The following FIGN variants were observed in gnomAD, a reference collection of about 807,000 sequenced individuals.
FIGN encodes fidgetin, microtubule severing factor.
In FIGN, 11 loss-of-function variants were observed where a neutral mutation model predicts 51.3. That is an observed-to-expected ratio of 0.21 (90% CI 0.13 to 0.35). The LOEUF is 0.35. Ranked by LOEUF, FIGN falls within the 10% of genes least tolerant of loss-of-function variation. FIGN has a pLI of 1.00. For synonymous variants in FIGN, 407 were observed against 363.2 expected, an observed-to-expected ratio of 1.12 and a Z score of -1.37; for missense variants, 857 against 943.6, an observed-to-expected ratio of 0.91 and a Z score of 1.20.
chr2:163,721,781 C>A (rs1329719043), intron 2 of FIGN, among the ~76,000 whole-genome samples: 1 of 152,098 alleles, frequency 6.6e-6, no homozygotes, highest in Non-Finnish European at 1.5e-5. Flanking sequence ...AACGAGTGAG[C>A]TTTCAGTAAA....
intron 2 of FIGN, among the ~76,000 whole-genome samples, chr2:163,683,245 C>T (rs559366779): frequency 6.2e-4 from 95 of 152,166 alleles, no homozygotes; most frequent in Non-Finnish European, 1.1e-3. Flanking sequence ...TAAAGTGTTG[C>T]AATAGGAAAT....
At chr2:163,698,162 AGGGATCT>A (rs1684353375) in intron 2 of FIGN, among the ~76,000 whole-genome samples, 1 of 152,098 alleles carries the variant, frequency 6.6e-6, no homozygotes, top group Non-Finnish European at 1.5e-5. Context: ...GTTCTATAAA[AGGGATCT>A]GTTCATTCCT....
intron 2 of FIGN, among the ~76,000 whole-genome samples, chr2:163,629,750 C>G (rs925746510): frequency 6.6e-6 from 1 of 151,858 alleles, no homozygotes; most frequent in South Asian, 2.1e-4. Flanking sequence ...AAATATTTAC[C>G]GTCTATCCCT....
chr2:163,699,101 G>A (rs1684367883), intron 2 of FIGN, among the ~76,000 whole-genome samples: 1 of 152,042 alleles, frequency 6.6e-6, no homozygotes, highest in Non-Finnish European at 1.5e-5. Context: ...ATAAATGAGG[G>A]AAAGCACACT....
chr2:163,702,426 C>T (rs11902245), intron 2 of FIGN, among the ~76,000 whole-genome samples: 5,136 of 152,098 alleles, frequency 0.034, 259 homozygotes, highest in African/African-American at 0.11. Flanking sequence ...CACCACATAA[C>T]CATTATCAGG....
At chr2:163,663,256 A>T (rs1447236755) in intron 2 of FIGN, among the ~76,000 whole-genome samples, 1 of 151,412 alleles carries the variant, frequency 6.6e-6, no homozygotes, top group African/African-American at 2.4e-5. Context: ...TTTGAAGACT[A>T]AGTATATTGT....
At chr2:163,654,423 G>A (rs891504550) in intron 2 of FIGN, among the ~76,000 whole-genome samples, 1 of 152,074 alleles carries the variant, frequency 6.6e-6, no homozygotes, top group African/African-American at 2.4e-5. Flanking sequence ...TGAAGATGTT[G>A]ACATACTAAT....
At chr2:163,726,041 C>T (rs1684833672) in intron 2 of FIGN, among the ~76,000 whole-genome samples, 1 of 152,002 alleles carries the variant, frequency 6.6e-6, no homozygotes, top group African/African-American at 2.4e-5. Context: ...TTATAGGAAA[C>T]ATATTTTTCC....
rs1259537434 is a variant in FIGN, at chr2:163,608,286, T to A, written c.*1266A>T. 2.6e-5 allele frequency: 4 copies of A among 152,606 alleles called. No homozygotes were observed. Among genetic ancestry groups the A allele is most frequent in the Admixed American group, 2.6e-4 (4 of 15,264 alleles). 9.5% of individuals were successfully genotyped at this position (152,606 alleles called of 1,614,324 possible). A position where few individuals can be genotyped will look rare whatever the true frequency, so the allele number is the denominator to read the frequency against. ...ATATATGTGTATGTAAGTTGGTTTG[T>A]TGGTTGGTTTTTGTTTTTATTTATT... is the stretch of plus-strand genomic sequence containing the variant. On this transcript the variant is annotated 3_prime_UTR_variant, in exon 3 of 3. Transcript: ENST00000333129.
chr2:163,661,194 A>T (rs1683673571), intron 2 of FIGN, among the ~76,000 whole-genome samples: 1 of 150,470 alleles, frequency 6.6e-6, no homozygotes, highest in South Asian at 2.1e-4. Flanking sequence ...AGATTTTTTT[A>T]AAACTATGAT....
intron 2 of FIGN, among the ~76,000 whole-genome samples, chr2:163,734,131 A>G (rs1438808472): frequency 6.6e-6 from 1 of 151,798 alleles, no homozygotes; most frequent in African/African-American, 2.4e-5. Context: ...TTTTTTGTAA[A>G]GAAAGGAAAG....
chr2:163,629,006 C>G (rs1445999341), intron 2 of FIGN, among the ~76,000 whole-genome samples: 1 of 152,070 alleles, frequency 6.6e-6, no homozygotes, highest in Non-Finnish European at 1.5e-5. Context: ...CTTGTACAAG[C>G]AATGGGTTGG....
intron 2 of FIGN, among the ~76,000 whole-genome samples, chr2:163,659,019 C>G (rs1163580384): frequency 6.6e-6 from 1 of 152,094 alleles, no homozygotes; most frequent in Admixed American, 6.5e-5. Flanking sequence ...ATCATCTATA[C>G]CCACAAAGGA....
chr2:163,654,758 AAGG>A (rs1208968992), intron 2 of FIGN, among the ~76,000 whole-genome samples: 1 of 152,182 alleles, frequency 6.6e-6, no homozygotes, highest in African/African-American at 2.4e-5. Flanking sequence ...ACTAGAGGTG[AAGG>A]ATACCTCATT....
chr2:163,663,146 C>T (rs1488118654), intron 2 of FIGN, among the ~76,000 whole-genome samples: 1 of 151,972 alleles, frequency 6.6e-6, no homozygotes, highest in Non-Finnish European at 1.5e-5. Flanking sequence ...GTCTCAAACT[C>T]CTGACCTCAG....
At chr2:163,704,625 T>TCTTTCTC in intron 2 of FIGN, among the ~76,000 whole-genome samples, 1 of 36,406 alleles carries the variant, frequency 2.7e-5, no homozygotes, top group African/African-American at 7.4e-5. Flanking sequence ...GTCTCTCTCT[T>TCTTTCTC]TCTCTCTCTC....
chr2:163,713,166 C>T (rs1045175395), intron 2 of FIGN, among the ~76,000 whole-genome samples: 1 of 152,136 alleles, frequency 6.6e-6, no homozygotes, highest in Admixed American at 6.6e-5. Flanking sequence ...AACTGTTACA[C>T]CAATTTTGCA....
chr2:163,676,657 A>G (rs1436390689), intron 2 of FIGN, among the ~76,000 whole-genome samples: 1 of 151,842 alleles, frequency 6.6e-6, no homozygotes, highest in Non-Finnish European at 1.5e-5. Context: ...TTCAGTTCAT[A>G]TTTTGAAGCT....
At chr2:163,716,482 G>C (rs1003073653) in intron 2 of FIGN, among the ~76,000 whole-genome samples, 2 of 152,108 alleles carry the variant, frequency 1.3e-5, no homozygotes, top group Admixed American at 1.3e-4. Flanking sequence ...ACTCCAGTTG[G>C]ATTCCCTACC....
Sources: allele counts gnomAD v4.1 joint callset (sites outside exome capture counted in the v4.1 genomes callset), GRCh38; gene constraint gnomAD v4.1.1; transcripts MANE v1.5; gene names NCBI Gene and HGNC (gene_info 2026-07-23, HGNC 2026-07-21).